The following SPTBN2 variants were observed in gnomAD, a reference collection of about 807,000 sequenced individuals.
The protein encoded by SPTBN2 is spectrin beta, non-erythrocytic 2.
Under a neutral mutation model 284.2 loss-of-function variants are expected in SPTBN2, and 107 were observed. That is an observed-to-expected ratio of 0.38 (90% CI 0.32 to 0.44). The LOEUF is 0.44. Among genes scored for constraint, SPTBN2 ranks in the 20% least tolerant of loss-of-function variants. The probability of loss-of-function intolerance (pLI) is 1.00; values close to 1 mark genes in which losing one functional copy is unlikely to be tolerated. For synonymous variants in SPTBN2, 1,289 were observed against 1,354.8 expected, an observed-to-expected ratio of 0.95 and a Z score of 1.07; for missense variants, 2,569 against 3,287.1, an observed-to-expected ratio of 0.78 and a Z score of 5.34.
Position 66,705,798 on chromosome 11 carries a change from C to T in SPTBN2, c.1693G>A (p.Gly565Arg). ...TGCAGCTGCAGCAGGTCCTCCACTC[C>T]TGCTAGGTGCCTGCCCAGGTCCTGA... Reference protein sequence around the residue: ...QSQDLGRHLAGVEDLLQLHEL... With the variant: ...QSQDLGRHLARVEDLLQLHEL... The change falls in exon 14 of 38, where the codon GGA becomes AGA. Residue 565 changes from glycine to arginine, a missense_variant. Gly to Arg is a moderately radical substitution (Grantham distance 125). Coordinates refer to ENST00000533211, the MANE Select transcript of SPTBN2 (RefSeq NM_006946.4). 1 of 1,612,428 alleles carries T rather than the reference C, an allele frequency of 6.2e-7. No homozygotes were observed.
At chr11:66,696,139 C>A in intron 21 of SPTBN2, 138 bp downstream of exon 21, 1 of 1,125,316 alleles carries the variant, frequency 8.9e-7, no homozygotes, top group Non-Finnish European at 1.3e-6. Flanking sequence ...GATTCTGATA[C>A]TGGCTGCCCA....
At chr11:66,728,034 G>T in intron 1 of SPTBN2, 1 of 146,046 alleles carries the variant, frequency 6.8e-6, no homozygotes, top group South Asian at 1.9e-4. Flanking sequence ...GCCTGCTCCC[G>T]CCCCGGCTCA....
At position 66,688,339 on chromosome 11, in the gene SPTBN2, T is replaced by C. The variant is rs1940294649; in HGVS notation, c.6232-28A>G. Reference sequence around the variant, plus strand: ...GTCAAAAAATGCTGCATTCAGCGTGTAGAAGGTTGCGTGTAAGAGGGCCAG... The same window carrying C: ...GTCAAAAAATGCTGCATTCAGCGTGCAGAAGGTTGCGTGTAAGAGGGCCAG... On this transcript the variant is annotated intron_variant, in intron 31 of 37. Transcript: ENST00000533211. The C allele has an allele frequency of 2.6e-6, 4 of 1,559,198 alleles. No individual in the cohort carries two copies. The East Asian group carries it at 9.6e-5, about 38-fold the overall frequency.
rs1277182102 is a variant in SPTBN2 at position 66,704,800 on chromosome 11, G to A, written c.2476C>T (p.Arg826Trp). The change falls in exon 15 of 38, where the codon CGG becomes TGG. Residue 826 changes from arginine to tryptophan, a missense_variant. Physicochemically the swap from Arg to Trp is moderately radical, Grantham distance 101. Coordinates refer to ENST00000533211, the MANE Select transcript of SPTBN2 (RefSeq NM_006946.4). ...TLSRTPEVQS[R>W]VPTLERHYEE... ...TAGTGCCGCTCCAGGGTGGGCACCC[G>A]GCTCTGCACCTCGGGCGTGCGGCTC... is the stretch of plus-strand genomic sequence containing the variant. 8 of 1,604,710 alleles carry A rather than the reference G, an allele frequency of 5.0e-6. No individual in the cohort carries two copies. The highest frequency in any genetic ancestry group is 1.3e-5 in the African/African-American group (1 of 74,832).
chr11:66,721,493 C>T, intron 1 of SPTBN2, 53 bp from the exon 2 acceptor site: 1 of 551,548 alleles, frequency 1.8e-6, no homozygotes, highest in Non-Finnish European at 3.3e-6. Context: ...AAGGCAGCAG[C>T]AGCTCAGAGC....
At position 66,701,629 on chromosome 11, in the gene SPTBN2, G is replaced by A. The variant is rs147327184; in HGVS notation, c.2771C>T (p.Pro924Leu). The change falls in exon 16 of 38, where the codon CCA (proline) becomes CTA (leucine). Residue 924 changes from proline (P) to leucine (L), a missense_variant. By Grantham distance (98) the Pro-to-Leu change is moderately conservative. Transcript: ENST00000533211. Reference sequence around the variant, plus strand: ...GGTGTTGACAATGCGGTCTTTGCCTGGGGGGTTGGCCTTCAGTAACTGCTC... The same window carrying A: ...GGTGTTGACAATGCGGTCTTTGCCTAGGGGGTTGGCCTTCAGTAACTGCTC... ...IAEQLLKANP[P>L]GKDRIVNTQE... The A allele has an allele frequency of 6.8e-5, 109 of 1,613,970 alleles. No individual in the cohort carries two copies. The highest frequency in any genetic ancestry group is 3.3e-4 in the Middle Eastern group (2 of 6,084).
In SPTBN2 at chr11:66,710,859, G is replaced by A. The variant is rs1299470141; in HGVS notation, c.885+58C>T. ...TCCACCCTGCCCTTGCACTAGGGCAGTAAGACCCCTCAGCCGGGCCTCCTC... is the reference window on the plus strand; with the variant it reads ...TCCACCCTGCCCTTGCACTAGGGCAATAAGACCCCTCAGCCGGGCCTCCTC... On this transcript the variant is annotated intron_variant, in intron 9 of 37. Coordinates refer to ENST00000533211, the MANE Select transcript of SPTBN2 (RefSeq NM_006946.4). This position sits in a 1 kb window ranked among gnomAD's most constrained non-coding sequence, Gnocchi z 4.9. 6.2e-7 allele frequency: 1 copy of A among 1,610,610 alleles called. No individual in the cohort carries two copies. The highest frequency in any genetic ancestry group is 8.5e-7 in the Non-Finnish European group (1 of 1,177,296).
At chr11:66,735,420 C>T (rs570190740) in intron 1 of SPTBN2, among the ~76,000 whole-genome samples, 3 of 152,072 alleles carry the variant, frequency 2.0e-5, no homozygotes, top group South Asian at 2.1e-4. Flanking sequence ...AAACTTGCAA[C>T]GATTGACGGC....
At position 66,705,796 on chromosome 11, in the gene SPTBN2, T is replaced by A; in HGVS notation, c.1695A>T (p.Gly565=). The A allele has an allele frequency of 6.2e-7, 1 of 1,612,342 alleles. No individual in the cohort carries two copies. The change falls in exon 14 of 38, where the codon GGA becomes GGT. Residue 565 remains glycine (G), a synonymous_variant. Transcript: ENST00000533211. ...CGTGCAGCTGCAGCAGGTCCTCCAC[T>A]CCTGCTAGGTGCCTGCCCAGGTCCT... ...QSQDLGRHLA[G]VEDLLQLHEL...
chr11:66,742,830 G>A (rs533971051), intron 1 of SPTBN2, among the ~76,000 whole-genome samples: 1 of 152,028 alleles, frequency 6.6e-6, no homozygotes, highest in Non-Finnish European at 1.5e-5. Flanking sequence ...GGCTGGTCTC[G>A]AACTCCTGAC....
Position 66,687,695 on chromosome 11 carries a change from T to C in SPTBN2, c.6502-48A>G. On this transcript the variant is annotated intron_variant, in intron 34 of 37. Coordinates refer to ENST00000533211, the MANE Select transcript of SPTBN2 (RefSeq NM_006946.4). This position sits in a 1 kb window ranked among gnomAD's most constrained non-coding sequence, Gnocchi z 5.2. ...GTCAAAGGTTGAGACGGGAGATCCC[T>C]AACCTGGGTGCCAGGAAGCTCCGTG... The C allele has an allele frequency of 6.4e-7, 1 of 1,574,702 alleles. No homozygotes were observed. Among genetic ancestry groups the C allele is most frequent in the Non-Finnish European group, 8.6e-7 (1 of 1,158,356 alleles).
chr11:66,725,423 T>C (rs903858978), intron 1 of SPTBN2, among the ~76,000 whole-genome samples: 2 of 152,196 alleles, frequency 1.3e-5, no homozygotes, highest in Non-Finnish European at 2.9e-5. Context: ...TCTATTTGCT[T>C]TTCTCCTACA....
chr11:66,733,361 A>C (rs1201578794), upstream of SPTBN2, among the ~76,000 whole-genome samples: 12 of 152,114 alleles, frequency 7.9e-5, no homozygotes, highest in Admixed American at 7.2e-4. Context: ...CTGGCAGTGG[A>C]GATGGAGTGC....
Position 66,689,852 on chromosome 11 carries a change from C to T in SPTBN2, c.5902G>A (p.Asp1968Asn), listed in dbSNP as rs553316548. 99 of 1,614,152 alleles carry T rather than the reference C, an allele frequency of 6.1e-5. 1 individual carries two copies. In the South Asian group the frequency reaches 1.1e-3, roughly 18 times the overall value. ...CTGGCCAGCAGCTCCTTCCCCATGT[C>T]GATGCAGGAGGAGAAGCGGTCTGCC... ...ARADRFSSCI[D>N]MGKELLARSH... is the part of the protein sequence containing the mutation. Residue 1968 changes from aspartate to asparagine, a missense_variant, in exon 29 of 38, where the codon GAC (aspartate) becomes AAC (asparagine). By Grantham distance (23) the Asp-to-Asn change is conservative. Around this residue, in one of 6 missense-constraint regions of SPTBN2, gnomAD observed 1,130 missense variants for 1,317.3 expected, o/e 0.86. Coordinates refer to ENST00000533211, the MANE Select transcript of SPTBN2 (RefSeq NM_006946.4).
At chr11:66,738,395 C>A (rs141596309) in intron 1 of SPTBN2, among the ~76,000 whole-genome samples, 1 of 152,310 alleles carries the variant, frequency 6.6e-6, no homozygotes, top group Admixed American at 6.5e-5. Context: ...GACATCCTGA[C>A]CCTTTCAGAC....
rs886048544 is a variant in SPTBN2, at chr11:66,685,642, G to GA, written c.*228dup. 21 of 560,010 alleles carry GA rather than the reference G, an allele frequency of 3.7e-5. No homozygotes were observed. Among genetic ancestry groups the GA allele is most frequent in the Non-Finnish European group, 5.2e-5 (16 of 309,276 alleles). The allele number at this position is 560,010 out of a possible 1,614,324, so 34.7% of individuals were successfully genotyped here. A position where few individuals can be genotyped will look rare whatever the true frequency, so the allele number is the denominator to read the frequency against. On this transcript the variant is annotated 3_prime_UTR_variant, in exon 38 of 38. Transcript: ENST00000533211. The surrounding 1 kb of genome is among the most constrained non-coding windows in gnomAD (Gnocchi z 4.4). ...AAAGGGGAGAAGTCGGCGGGGGTGGGAGAGGGGGTTACCTGGGTCCCACCA... is the reference window on the plus strand; with the variant it reads ...AAAGGGGAGAAGTCGGCGGGGGTGGGAAGAGGGGGTTACCTGGGTCCCACCA...
intron 15 of SPTBN2, among the ~76,000 whole-genome samples, chr11:66,704,317 G>A (rs1382636697): frequency 3.9e-5 from 6 of 152,190 alleles, no homozygotes; most frequent in Non-Finnish European, 7.3e-5. Flanking sequence ...AAGGTAGGAG[G>A]GATGTGCTAA....
At chr11:66,694,556 G>GA (rs1229205761) in intron 21 of SPTBN2, among the ~76,000 whole-genome samples, 193 bp from the exon 22 acceptor site, 1 of 152,160 alleles carries the variant, frequency 6.6e-6, no homozygotes, top group South Asian at 2.1e-4. Flanking sequence ...GGCAGGGGTT[G>GA]AAAAAATCCC....
intron 21 of SPTBN2, among the ~76,000 whole-genome samples, chr11:66,695,769 GC>G (rs1051349682): frequency 1.3e-4 from 20 of 151,400 alleles, no homozygotes; most frequent in African/African-American, 3.9e-4. Context: ...ACAGAGGCTT[GC>G]CCAGGCTGGA....
Sources: gnomAD v4.1 joint callset for allele counts (sites outside exome capture counted in the v4.1 genomes callset) on GRCh38, gnomAD v4.1.1 for gene constraint, gnomAD v4.1.1 regional missense constraint, Gnocchi (gnomAD v3.1) non-coding constraint, MANE v1.5 for transcripts, NCBI Gene and HGNC (gene_info 2026-07-23, HGNC 2026-07-21) for gene names.